Variants in TGFBR2 observed in about 807,000 individuals in gnomAD.
TGFBR2 encodes transforming growth factor beta receptor 2.
A neutral mutation model predicts 49.0 loss-of-function variants in TGFBR2; 18 were observed. The observed-to-expected ratio is 0.37, with a 90% CI of 0.25 to 0.54. The LOEUF (loss-of-function observed/expected upper bound fraction) is 0.54. TGFBR2 is among the 20% of genes least tolerant of loss of function. The pLI is 0.85. For missense variants in TGFBR2, 525 were observed against 722.6 expected (o/e 0.73, Z 3.13); for synonymous variants, 282 against 275.9 (o/e 1.02, Z -0.22).
At chr3:30,671,596 C>A (rs148988201) in intron 3 of TGFBR2, 42 bp from the exon 4 acceptor site, 14 of 1,606,942 alleles carry the variant, frequency 8.7e-6, no homozygotes, top group Non-Finnish European at 1.1e-5. Context: ...TACTTACCTA[C>A]CACATCCAAC....
intron 2 of TGFBR2, among the ~76,000 whole-genome samples, chr3:30,648,822 A>G (rs1368958907): frequency 6.6e-6 from 1 of 152,126 alleles, no homozygotes; most frequent in East Asian, 1.9e-4. Context: ...TCCTGCCTGG[A>G]TTGTCCTAAC....
At chr3:30,646,960 A>G (rs1698753292) in intron 2 of TGFBR2, among the ~76,000 whole-genome samples, 1 of 152,184 alleles carries the variant, frequency 6.6e-6, no homozygotes, top group South Asian at 2.1e-4. Context: ...TGTCCCAGCT[A>G]TAAAGGGTAA....
chr3:30,667,439 T>TA (rs1321393769), intron 3 of TGFBR2, among the ~76,000 whole-genome samples: 1 of 152,228 alleles, frequency 6.6e-6, no homozygotes, highest in African/African-American at 2.4e-5. Context: ...TTGCTATTGT[T>TA]AGAGTTTTTC....
chr3:30,637,896 T>A (rs1175670878), intron 1 of TGFBR2, among the ~76,000 whole-genome samples: 2 of 152,256 alleles, frequency 1.3e-5, no homozygotes, highest in Non-Finnish European at 2.9e-5. Context: ...TTTGCAGTGT[T>A]GATTGATATC....
chr3:30,662,866 CTT>C (rs1186691734), intron 3 of TGFBR2, among the ~76,000 whole-genome samples: 1 of 152,158 alleles, frequency 6.6e-6, no homozygotes, highest in Non-Finnish European at 1.5e-5. Context: ...AAGAACTTAA[CTT>C]TATTTTTGCT....
At chr3:30,687,761 C>T (rs1699649279) in intron 5 of TGFBR2, among the ~76,000 whole-genome samples, 1 of 152,140 alleles carries the variant, frequency 6.6e-6, no homozygotes, top group Admixed American at 6.5e-5. Context: ...CAGGTTGCCC[C>T]CTGGACAACC....
intron 1 of TGFBR2, among the ~76,000 whole-genome samples, chr3:30,636,733 C>CGTGTGTGTGT (rs3076736): frequency 2.0e-5 from 3 of 146,694 alleles, no homozygotes; most frequent in Admixed American, 6.8e-5. Flanking sequence ...TGTGTGTGCA[C>CGTGTGTGTGT]GTGTGTGTGT....
intron 5 of TGFBR2, among the ~76,000 whole-genome samples, chr3:30,684,617 G>C (rs1346407463): frequency 3.9e-5 from 6 of 152,172 alleles, no homozygotes; most frequent in Non-Finnish European, 7.4e-5. Context: ...CAAGGAGCCA[G>C]TCCTTTTGCC....
At chr3:30,683,805 G>T (rs1699575805) in intron 5 of TGFBR2, among the ~76,000 whole-genome samples, 1 of 152,166 alleles carries the variant, frequency 6.6e-6, no homozygotes, top group South Asian at 2.1e-4. Context: ...AAGGTCTCAG[G>T]CCATCAACTT....
rs1296004513 is a variant in TGFBR2, at chr3:30,606,604, C to T, written c.-280C>T. The T allele has an allele frequency of 1.4e-5, 5 of 346,152 alleles. No individual in the cohort carries two copies. Among genetic ancestry groups the T allele is most frequent in the Non-Finnish European group, 2.6e-5 (5 of 191,074 alleles). The allele number at this position is 346,152 out of a possible 1,614,324, so 21.4% of individuals were successfully genotyped here. A position where few individuals can be genotyped will look rare whatever the true frequency, so the allele number is the denominator to read the frequency against. On this transcript the variant is annotated 5_prime_UTR_variant, in exon 1 of 7. Transcript: ENST00000295754. ...CTGAGTTGAAGTTGAGTGAGTCACT[C>T]GCGCGCACGGAGCGACGACACCCCC... is the stretch of plus-strand genomic sequence containing the variant.
intron 2 of TGFBR2, among the ~76,000 whole-genome samples, chr3:30,646,768 G>A (rs1037375703): frequency 3.9e-5 from 6 of 152,002 alleles, no homozygotes; most frequent in African/African-American, 7.3e-5. Context: ...AAATATCTAC[G>A]GTGGTGTGAG....
At chr3:30,647,735 G>A (rs1386181474) in intron 2 of TGFBR2, among the ~76,000 whole-genome samples, 1 of 152,068 alleles carries the variant, frequency 6.6e-6, no homozygotes, top group African/African-American at 2.4e-5. Flanking sequence ...GGAGTGCAAT[G>A]GCGTGATCTG....
At chr3:30,631,167 A>C (rs1276095509) in intron 1 of TGFBR2, among the ~76,000 whole-genome samples, 2 of 150,950 alleles carry the variant, frequency 1.3e-5, no homozygotes, top group African/African-American at 4.9e-5. Flanking sequence ...CAGCCTCCTG[A>C]GTAGCTGGGA....
At chr3:30,688,581 G>C (rs1699663214) in intron 6 of TGFBR2, 70 bp downstream of exon 6, 2 of 1,598,490 alleles carry the variant, frequency 1.3e-6, no homozygotes, top group African/African-American at 1.3e-5. Flanking sequence ...AGAGAATTCT[G>C]GAATATTGAG....
At chr3:30,689,029 C>T (rs1250914531) in intron 6 of TGFBR2, among the ~76,000 whole-genome samples, 3 of 151,754 alleles carry the variant, frequency 2.0e-5, no homozygotes, top group East Asian at 1.9e-4. Context: ...AGTGAGCACG[C>T]GTGGGAAAGA....
intron 1 of TGFBR2, among the ~76,000 whole-genome samples, chr3:30,607,457 C>A (rs368881447): frequency 1.3e-5 from 2 of 152,342 alleles, no homozygotes; most frequent in African/African-American, 4.8e-5. Context: ...CTCCTGGAGA[C>A]GGCCACGCTT....
intron 3 of TGFBR2, among the ~76,000 whole-genome samples, chr3:30,663,354 C>T (rs1023574936): frequency 2.0e-5 from 3 of 152,134 alleles, no homozygotes; most frequent in Non-Finnish European, 4.4e-5. Flanking sequence ...TGTTTTGCCT[C>T]TACAGTGTGT....
At position 30,679,569 on chromosome 3, in the gene TGFBR2, C is replaced by T. The variant is rs368497994; in HGVS notation, c.1396+5323C>T. On this transcript the variant is annotated intron_variant, in intron 5 of 6. Transcript: ENST00000295754. ...AGAGAAAGGCTTCTTATTGAAAGTA[C>T]ATTTGGTCCAGATAAAGAAAGCCAT... is the stretch of plus-strand genomic sequence containing the variant. Among the ~76,000 whole-genome samples the T allele has an allele frequency of 7.2e-4, 110 of 152,308 alleles. 2 individuals carry two copies. The highest frequency in any genetic ancestry group is 3.4e-3 in the Middle Eastern group (1 of 294).
In TGFBR2 at chr3:30,678,841, A is replaced by G. The variant is rs1030722895; in HGVS notation, c.1396+4595A>G. On this transcript the variant is annotated intron_variant, in intron 5 of 6. Coordinates refer to ENST00000295754, the MANE Select transcript of TGFBR2 (RefSeq NM_003242.6). ...TTAATGAGCTATTGCAGAGGTGACT[A>G]TTTGTTTTACTTTCTTGGATGTTAA... is the stretch of plus-strand genomic sequence containing the variant. Among the ~76,000 whole-genome samples, 15 of 152,260 alleles carry G rather than the reference A, an allele frequency of 9.9e-5. No homozygotes were observed. The East Asian group carries it at 2.9e-3, about 29-fold the overall frequency.
Sources: gnomAD v4.1 joint callset for allele counts (sites outside exome capture counted in the v4.1 genomes callset) on GRCh38, gnomAD v4.1.1 for gene constraint, MANE v1.5 for transcripts, NCBI Gene and HGNC (gene_info 2026-07-23, HGNC 2026-07-21) for gene names.